The following SMURF2 variants were observed in gnomAD, a reference collection of about 807,000 sequenced individuals.
SMURF2 encodes E3 ubiquitin-protein ligase SMURF2.
A neutral mutation model predicts 109.6 loss-of-function variants in SMURF2; 48 were observed. The observed-to-expected ratio is 0.44, with a 90% CI of 0.35 to 0.56. SMURF2 has a LOEUF of 0.56. Ranked by LOEUF, SMURF2 falls within the 20% of genes least tolerant of loss-of-function variation. SMURF2 has a pLI of 0.01. For synonymous variants in SMURF2, 288 were observed against 317.1 expected, an observed-to-expected ratio of 0.91 and a Z score of 0.97; for missense variants, 575 against 909.0, an observed-to-expected ratio of 0.63 and a Z score of 4.72.
chr17:64,583,481 C>G lies in SMURF2; in HGVS notation c.549G>C (p.Thr183=), dbSNP rs145487251. Residue 183 remains threonine (T), a synonymous_variant, in exon 7 of 19, where the codon ACG becomes ACC. Transcript: ENST00000262435. ...CTTACCGTGTTGGGCGCTCCCATTG[C>G]GTAGTTCTTGTTATATGGTTTAGAT... ...IQYLNHITRT[T]QWERPTRPAS... is the part of the protein sequence containing the mutation. The G allele has an allele frequency of 1.5e-4, 238 of 1,613,742 alleles. 2 individuals carry two copies. In the African/African-American group the frequency reaches 2.9e-3, roughly 20 times the overall value.
chr17:64,636,644 T>A (rs1443571640), intron 1 of SMURF2, among the ~76,000 whole-genome samples: 3 of 142,960 alleles, frequency 2.1e-5, no homozygotes, highest in Non-Finnish European at 4.5e-5. Flanking sequence ...CTGGGCATGG[T>A]GGTGTGCACC....
At chr17:64,635,065 A>G (rs1373233883) in intron 1 of SMURF2, among the ~76,000 whole-genome samples, 1 of 152,110 alleles carries the variant, frequency 6.6e-6, no homozygotes, top group East Asian at 1.9e-4. Flanking sequence ...GGTGGCTCAC[A>G]CCTGTAATCT....
intron 10 of SMURF2, among the ~76,000 whole-genome samples, chr17:64,566,414 T>C (rs1260282477): frequency 6.6e-6 from 1 of 151,716 alleles, no homozygotes; most frequent in Non-Finnish European, 1.5e-5. Flanking sequence ...TTTTATGTAA[T>C]GTAACACGAA....
At position 64,662,293 on chromosome 17, in the gene SMURF2, C is replaced by T; in HGVS notation, c.-413G>A. On this transcript the variant is annotated 5_prime_UTR_variant, in exon 1 of 19. It adds an upstream start codon to the 5' untranslated region. Transcript: ENST00000262435. The stretch of plus-strand genomic sequence containing the variant: ...CTGGGCTCGGCCGCTTCCTCCTCCA[C>T]CCGCCCTCTTGTCTGAGGGACCCGG... The T allele has an allele frequency of 1.0e-6, 1 of 979,944 alleles. No individual in the cohort carries two copies. The highest frequency in any genetic ancestry group is 1.2e-6 in the Non-Finnish European group (1 of 826,116). 60.7% of individuals were successfully genotyped at this position (979,944 alleles called of 1,614,324 possible). A position where few individuals can be genotyped will look rare whatever the true frequency, so the allele number is the denominator to read the frequency against.
intron 1 of SMURF2, among the ~76,000 whole-genome samples, chr17:64,637,708 C>T (rs782466649): frequency 2.0e-5 from 3 of 151,420 alleles, no homozygotes; most frequent in African/African-American, 7.3e-5. Flanking sequence ...AGACTACAGT[C>T]GTGTGCCACC....
intron 4 of SMURF2, 125 bp downstream of exon 4, chr17:64,593,315 A>G: frequency 5.5e-6 from 4 of 726,398 alleles, no homozygotes; most frequent in Non-Finnish European, 5.5e-6. Flanking sequence ...TCAAATATAT[A>G]TATTATTTTT....
At chr17:64,605,214 C>T (rs943649980) in intron 2 of SMURF2, among the ~76,000 whole-genome samples, 3 of 151,946 alleles carry the variant, frequency 2.0e-5, no homozygotes, top group South Asian at 2.1e-4. Flanking sequence ...AAGCTTCTGG[C>T]GAGAAGGCAC....
At position 64,583,531 on chromosome 17, in the gene SMURF2, T is replaced by C; in HGVS notation, c.499A>G (p.Arg167Gly). 6.2e-7 allele frequency: 1 copy of C among 1,613,802 alleles called. No individual in the cohort carries two copies. Among genetic ancestry groups the C allele is most frequent in the Non-Finnish European group, 8.5e-7 (1 of 1,179,704 alleles). ...NDLPDGWEER[R>G]TASGRIQYLN... Reference sequence around the variant, plus strand: ...TACTGGATTCTTCCAGAGGCGGTTCTCCTTTCTTCCCAGCTTAAATAAAAA... The same window carrying C: ...TACTGGATTCTTCCAGAGGCGGTTCCCCTTTCTTCCCAGCTTAAATAAAAA... Residue 167 changes from arginine to glycine, a missense_variant, in exon 7 of 19, where the codon AGA (arginine) becomes GGA (glycine). Transcript: ENST00000262435.
chr17:64,578,390 A>G, intron 9 of SMURF2, 102 bp downstream of exon 9: 1 of 761,276 alleles, frequency 1.3e-6, no homozygotes, highest in Non-Finnish European at 2.2e-6. Context: ...TCAAACTTTT[A>G]CATAAACTAT....
chr17:64,551,839 T>C (rs1213115637), intron 15 of SMURF2, 135 bp from the exon 16 acceptor site: 7 of 1,108,472 alleles, frequency 6.3e-6, no homozygotes, highest in Non-Finnish European at 8.9e-6. Flanking sequence ...AGTCTAACAA[T>C]AAATCTCAGA....
intron 1 of SMURF2, among the ~76,000 whole-genome samples, chr17:64,641,045 AC>A (rs1466455169): frequency 1.6e-4 from 24 of 152,124 alleles, no homozygotes; most frequent in African/African-American, 5.3e-4. Flanking sequence ...CCAAAAAAAA[AC>A]ATTTCAGAGA....
At chr17:64,653,526 G>A (rs1970665859) in intron 1 of SMURF2, among the ~76,000 whole-genome samples, 2 of 151,736 alleles carry the variant, frequency 1.3e-5, no homozygotes, top group African/African-American at 2.4e-5. Flanking sequence ...TGTGAGCACA[G>A]CACCGCAGCC....
intron 13 of SMURF2, among the ~76,000 whole-genome samples, chr17:64,557,134 G>A (rs1555684107): frequency 2.0e-5 from 3 of 152,170 alleles, no homozygotes; most frequent in Non-Finnish European, 4.4e-5. Flanking sequence ...ATAACATACA[G>A]CACTGTGCTA....
At chr17:64,642,644 C>T (rs1206291436) in intron 1 of SMURF2, among the ~76,000 whole-genome samples, 1 of 152,102 alleles carries the variant, frequency 6.6e-6, no homozygotes, top group Non-Finnish European at 1.5e-5. Context: ...TCAGCCATCC[C>T]TTTTTAAAAC....
At chr17:64,640,516 A>G (rs75862027) in intron 1 of SMURF2, among the ~76,000 whole-genome samples, 7,638 of 152,254 alleles carry the variant, frequency 0.05, 315 homozygotes, top group Admixed American at 0.14. Flanking sequence ...TTCAAAGTAT[A>G]ATGGAAAGAC....
In SMURF2 at chr17:64,576,076, A is replaced by G. The variant is rs536284340; in HGVS notation, c.857+2416T>C. On this transcript the variant is annotated intron_variant, in intron 9 of 18. Coordinates refer to ENST00000262435, the MANE Select transcript of SMURF2 (RefSeq NM_022739.4). ...AAAAATTAGCGGGGTATTGTGGCGC[A>G]TGCCTGTAGTCCCAGCTATTCAGGA... 3.9e-5 allele frequency among the ~76,000 whole-genome samples: 6 copies of G among 151,956 alleles called. No individual in the cohort carries two copies. In the South Asian group the frequency reaches 1.2e-3, roughly 32 times the overall value.
chr17:64,660,922 A>G (rs139646945), intron 1 of SMURF2: 1 of 152,146 alleles, frequency 6.6e-6, no homozygotes, highest in Non-Finnish European at 1.5e-5. Flanking sequence ...TAAAGATTTC[A>G]TGCACCTGGA....
intron 1 of SMURF2, among the ~76,000 whole-genome samples, chr17:64,620,605 T>C (rs1455591557): frequency 6.6e-6 from 1 of 152,220 alleles, no homozygotes; most frequent in Non-Finnish European, 1.5e-5. Context: ...ATCAAACTTC[T>C]GTGAAGCCTT....
chr17:64,657,249 T>C (rs1970717188), intron 1 of SMURF2, among the ~76,000 whole-genome samples: 1 of 152,106 alleles, frequency 6.6e-6, no homozygotes, highest in African/African-American at 2.4e-5. Flanking sequence ...ACAGTAATCT[T>C]TGAGTTGAGC....
Sources: gnomAD v4.1 joint callset for allele counts (sites outside exome capture counted in the v4.1 genomes callset) on GRCh38, gnomAD v4.1.1 for gene constraint, MANE v1.5 for transcripts, NCBI Gene and HGNC (gene_info 2026-07-23, HGNC 2026-07-21) for gene names.